COG5: variants seen among roughly 807,000 people sequenced by gnomAD.
COG5 encodes the protein component of oligomeric golgi complex 5, also known as conserved oligomeric Golgi complex subunit 5.
COG5 carries 86 observed loss-of-function variants against 110.4 expected under a neutral mutation model. The observed-to-expected ratio is 0.78, with a 90% CI of 0.65 to 0.93. COG5 has a LOEUF of 0.93. Ranked by LOEUF, COG5 falls within the 40% of genes least tolerant of loss-of-function variation. COG5 has a pLI of 0.00. For synonymous variants in COG5, 360 were observed against 334.6 expected (o/e 1.08, Z -0.83); for missense variants, 1,077 against 987.0 (o/e 1.09, Z -1.22).
chr7:107,239,515 T>C (rs751275562), intron 17 of COG5, among the ~76,000 whole-genome samples: 7 of 152,224 alleles, frequency 4.6e-5, no homozygotes, highest in Admixed American at 6.5e-5. Context: ...TTGGTAGAGA[T>C]TGCATTAAAT....
In COG5 at chr7:107,416,265, AT is replaced by A. The variant is rs1792838784; in HGVS notation, c.539-3634del. On this transcript the variant is annotated intron_variant, in intron 6 of 21. Transcript: ENST00000297135. ...AAATAACCATCAATAAAAGAAAAAAATTTTGTAATATATTCATTCCAAGTAC... is the reference window on the plus strand; with the variant it reads ...AAATAACCATCAATAAAAGAAAAAAATTTGTAATATATTCATTCCAAGTAC... 1.3e-5 allele frequency among the ~76,000 whole-genome samples: 2 copies of A among 152,032 alleles called. 1 individual carries two copies. The highest frequency in any genetic ancestry group is 4.1e-4 in the South Asian group (2 of 4,822).
chr7:107,465,211 A>T (rs79434636), intron 6 of COG5, among the ~76,000 whole-genome samples: 1 of 152,112 alleles, frequency 6.6e-6, no homozygotes, highest in South Asian at 2.1e-4. Context: ...TTGTCTATAT[A>T]GAAAATACCA....
At position 107,211,231 on chromosome 7, in the gene COG5, C is replaced by T. The variant is rs200895224; in HGVS notation, c.2169-6G>A. On this transcript the variant is annotated splice_polypyrimidine_tract_variant and splice_region_variant and intron_variant, in intron 19 of 21. Coordinates refer to ENST00000297135, the MANE Select transcript of COG5 (RefSeq NM_006348.5). ...TTGCCTGGAAGAGCAGAGGTCTAGACGGGAAAAACAGAAGTTATTTCACAC... is the reference window on the plus strand; with the variant it reads ...TTGCCTGGAAGAGCAGAGGTCTAGATGGGAAAAACAGAAGTTATTTCACAC... 1.9e-5 allele frequency: 30 copies of T among 1,613,526 alleles called. No homozygotes were observed. Among genetic ancestry groups the T allele is most frequent in the African/African-American group, 2.7e-5 (2 of 74,878 alleles).
At position 107,211,071 on chromosome 7, in the gene COG5, AG is replaced by A. The variant is rs1296653831; in HGVS notation, c.2295+27del. 3 of 1,612,726 alleles carry A rather than the reference AG, an allele frequency of 1.9e-6. No individual in the cohort carries two copies. The East Asian group carries it at 6.7e-5, about 36-fold the overall frequency. On this transcript the variant is annotated intron_variant, in intron 20 of 21. Transcript: ENST00000297135. ...CACAGGTAATGGGAAGAGTCACAAAAGGGTTCTGGCTTGACTTTATTTATTA... is the reference window on the plus strand; with the variant it reads ...CACAGGTAATGGGAAGAGTCACAAAAGGTTCTGGCTTGACTTTATTTATTA...
chr7:107,445,538 T>C (rs896373116), intron 6 of COG5, among the ~76,000 whole-genome samples: 9 of 152,234 alleles, frequency 5.9e-5, no homozygotes, highest in Non-Finnish European at 7.3e-5. Context: ...TTTGGACTTA[T>C]GTAATGAAAG....
intron 10 of COG5, among the ~76,000 whole-genome samples, chr7:107,325,725 A>G (rs1355183644): frequency 1.3e-5 from 2 of 152,222 alleles, no homozygotes; most frequent in Non-Finnish European, 2.9e-5. Context: ...ATATTGCTAC[A>G]GTCCCAAAAA....
intron 6 of COG5, among the ~76,000 whole-genome samples, chr7:107,484,532 ACT>A (rs1427248196): frequency 6.6e-6 from 1 of 152,048 alleles, no homozygotes; most frequent in Non-Finnish European, 1.5e-5. Flanking sequence ...GAGAGCAGTG[ACT>A]CTCATGGGCC....
At chr7:107,398,694 C>CT (rs1342347529) in intron 7 of COG5, among the ~76,000 whole-genome samples, 8 of 152,040 alleles carry the variant, frequency 5.3e-5, no homozygotes, top group Non-Finnish European at 1.2e-4. Context: ...AGTGAAGAAG[C>CT]TAGATACACA....
chr7:107,289,208 C>T (rs1015852952), intron 12 of COG5, among the ~76,000 whole-genome samples: 31 of 151,738 alleles, frequency 2.0e-4, no homozygotes, highest in African/African-American at 7.3e-4. Flanking sequence ...ATGTGAAGGG[C>T]ACCACTTCAT....
At chr7:107,493,359 G>A (rs1227503613) in intron 6 of COG5, among the ~76,000 whole-genome samples, 2 of 152,180 alleles carry the variant, frequency 1.3e-5, no homozygotes, top group Admixed American at 6.5e-5. Context: ...AAAGTTGTTA[G>A]GATCAAAAGC....
At chr7:107,252,010 A>C (rs1387414622) in intron 16 of COG5, among the ~76,000 whole-genome samples, 1 of 152,154 alleles carries the variant, frequency 6.6e-6, no homozygotes, top group Non-Finnish European at 1.5e-5. Flanking sequence ...CAAATCAACA[A>C]TATCAAAAAT....
chr7:107,489,452 C>A (rs967948850), intron 6 of COG5, among the ~76,000 whole-genome samples: 2 of 152,118 alleles, frequency 1.3e-5, no homozygotes, highest in Non-Finnish European at 2.9e-5. Context: ...ACTGTTATAA[C>A]CCTACCCAAA....
chr7:107,434,811 A>G (rs1334189041), intron 6 of COG5, among the ~76,000 whole-genome samples: 2 of 152,080 alleles, frequency 1.3e-5, no homozygotes, highest in East Asian at 3.9e-4. Flanking sequence ...TCTACTAAAA[A>G]TACAAAAAAT....
At chr7:107,402,401 T>G (rs576354973) in intron 7 of COG5, among the ~76,000 whole-genome samples, 52 of 152,306 alleles carry the variant, frequency 3.4e-4, no homozygotes, top group Admixed American at 2.0e-3. Context: ...TTCCTCCACC[T>G]TGAACCTCCA....
intron 7 of COG5, among the ~76,000 whole-genome samples, chr7:107,385,200 T>C (rs1304578850): frequency 6.6e-6 from 1 of 152,142 alleles, no homozygotes; most frequent in Non-Finnish European, 1.5e-5. Context: ...ATACCCAGGA[T>C]TGAGATTGAT....
chr7:107,520,366 A>C (rs1800241523), intron 6 of COG5, among the ~76,000 whole-genome samples: 1 of 152,202 alleles, frequency 6.6e-6, no homozygotes, highest in Non-Finnish European at 1.5e-5. Flanking sequence ...GTCTGTTTCC[A>C]GATGACATAA....
chr7:107,288,907 GATATATATATAT>G (rs60313728), intron 12 of COG5, among the ~76,000 whole-genome samples: 3,524 of 93,950 alleles, frequency 0.038, 115 homozygotes, highest in Middle Eastern at 0.055. Flanking sequence ...TTCTAACAGA[GATATATATATAT>G]ATATATATAT....
chr7:107,366,505 A>G (rs973254332), intron 8 of COG5, among the ~76,000 whole-genome samples: 2 of 152,174 alleles, frequency 1.3e-5, no homozygotes, highest in African/African-American at 4.8e-5. Flanking sequence ...ATACTTTAAC[A>G]CACATACACA....
At chr7:107,546,160 T>G (rs1802429054) in intron 5 of COG5, among the ~76,000 whole-genome samples, 1 of 152,154 alleles carries the variant, frequency 6.6e-6, no homozygotes, top group Admixed American at 6.6e-5. Context: ...AAGAGAAGTT[T>G]TAAAATGTCT....
Sources: allele counts gnomAD v4.1 joint callset (sites outside exome capture counted in the v4.1 genomes callset), GRCh38; gene constraint gnomAD v4.1.1; transcripts MANE v1.5; gene names NCBI Gene and HGNC (gene_info 2026-07-23, HGNC 2026-07-21).